PHF20: variants seen among roughly 807,000 people sequenced by gnomAD.
PHF20 encodes the protein PHD finger protein 20.
In PHF20, 23 loss-of-function variants were observed where a neutral mutation model predicts 113.5. That is an observed-to-expected ratio of 0.20 (90% CI 0.15 to 0.29). PHF20 has a LOEUF of 0.29. Among genes scored for constraint, PHF20 ranks in the 10% least tolerant of loss-of-function variants. The pLI is 1.00. For missense variants in PHF20, 943 were observed against 1,219.6 expected, an observed-to-expected ratio of 0.77 and a Z score of 3.38; for synonymous variants, 434 against 457.3, an observed-to-expected ratio of 0.95 and a Z score of 0.65.
At position 35,947,811 on chromosome 20, in the gene PHF20, A is replaced by T; in HGVS notation, c.*184A>T. 1.7e-6 allele frequency: 1 copy of T among 583,728 alleles called. No individual in the cohort carries two copies. The highest frequency in any genetic ancestry group is 1.9e-5 in the African/African-American group (1 of 53,832). 36.2% of individuals were successfully genotyped at this position (583,728 alleles called of 1,614,324 possible). A position where few individuals can be genotyped will look rare whatever the true frequency, so the allele number is the denominator to read the frequency against. On this transcript the variant is annotated 3_prime_UTR_variant, in exon 18 of 18. Transcript: ENST00000374012. ...ATTTTGGCTGCGGGAGGACACTCTG[A>T]TCTCGAAGCCTGCCATAAAGGTAGC...
At chr20:35,899,097 C>T (rs545873467) in intron 9 of PHF20, among the ~76,000 whole-genome samples, 2 of 151,828 alleles carry the variant, frequency 1.3e-5, no homozygotes, top group South Asian at 4.2e-4. Flanking sequence ...AGGATTTTTC[C>T]TTAAAGTATA....
rs1460528871 is a variant in PHF20, at chr20:35,917,648, G to T, written c.1990G>T (p.Asp664Tyr). The change falls in exon 13 of 18, where the codon GAC becomes TAC. Residue 664 changes from aspartate (D) to tyrosine (Y), a missense_variant. Coordinates refer to ENST00000374012, the MANE Select transcript of PHF20 (RefSeq NM_016436.5). ...RCICEVQEEN[D>Y]FMIQCEECQC... is the part of the protein sequence containing the mutation. ...CATCTGTGAGGTCCAGGAGGAAAATGACTTCATGATTCAGGTAGGCAGAGC... is the reference window on the plus strand; with the variant it reads ...CATCTGTGAGGTCCAGGAGGAAAATTACTTCATGATTCAGGTAGGCAGAGC... 1.9e-6 allele frequency: 3 copies of T among 1,613,554 alleles called. No individual in the cohort carries two copies. Among genetic ancestry groups the T allele is most frequent in the East Asian group, 2.2e-5 (1 of 44,884 alleles).
intron 2 of PHF20, among the ~76,000 whole-genome samples, chr20:35,815,858 C>T (rs1185425247): frequency 2.6e-5 from 4 of 152,168 alleles, no homozygotes; most frequent in Non-Finnish European, 4.4e-5. Flanking sequence ...GCAGTTGAGA[C>T]TCTGTCTCAA....
intron 2 of PHF20, among the ~76,000 whole-genome samples, chr20:35,837,801 C>T (rs1321558465): frequency 2.0e-5 from 3 of 152,282 alleles, no homozygotes; most frequent in Admixed American, 6.5e-5. Flanking sequence ...GCTAAGCTGT[C>T]GCCAAGGCAG....
At chr20:35,825,142 C>T (rs902488611) in intron 2 of PHF20, among the ~76,000 whole-genome samples, 6 of 152,124 alleles carry the variant, frequency 3.9e-5, no homozygotes, top group Non-Finnish European at 5.9e-5. Flanking sequence ...AATTGCTTTT[C>T]GTAGTAGCTG....
intron 15 of PHF20, among the ~76,000 whole-genome samples, chr20:35,936,078 G>T (rs997436289): frequency 6.6e-6 from 1 of 152,186 alleles, no homozygotes; most frequent in African/African-American, 2.4e-5. Flanking sequence ...CCTTCAGATC[G>T]CAGTTGGAAG....
In PHF20 at chr20:35,806,791, CTTTTTTT is replaced by C. The variant is rs751352334; in HGVS notation, c.83+5202_83+5208del. Among the ~76,000 whole-genome samples, 7 of 113,018 alleles carry C rather than the reference CTTTTTTT, an allele frequency of 6.2e-5. No homozygotes were observed. The South Asian group carries it at 8.7e-4, about 14-fold the overall frequency. The allele number at this position is 113,018 out of a possible 152,430, so 74.1% of individuals were successfully genotyped here. ...TTTGTTGTATTCTTAGACCTTTACT[CTTTTTTT>C]TTTTTTTTTTTTTTTGAGACGGAAT... On this transcript the variant is annotated intron_variant, in intron 2 of 17. Coordinates refer to ENST00000374012, the MANE Select transcript of PHF20 (RefSeq NM_016436.5).
At chr20:35,789,399 C>G (rs1176964207) in intron 1 of PHF20, among the ~76,000 whole-genome samples, 3 of 149,868 alleles carry the variant, frequency 2.0e-5, no homozygotes, top group Admixed American at 2.0e-4. Context: ...CCATTGCACT[C>G]CAGCCTGGGT....
intron 14 of PHF20, among the ~76,000 whole-genome samples, chr20:35,930,083 C>T (rs1050163465): frequency 1.3e-5 from 2 of 152,150 alleles, no homozygotes; most frequent in Non-Finnish European, 2.9e-5. Context: ...TCCTAAGGAG[C>T]CCTGTAACAA....
chr20:35,864,419 C>CAT (rs2054277484), intron 6 of PHF20, among the ~76,000 whole-genome samples: 1 of 133,904 alleles, frequency 7.5e-6, no homozygotes, highest in Non-Finnish European at 1.6e-5. Context: ...CACACACACA[C>CAT]ACACACACAC....
intron 6 of PHF20, among the ~76,000 whole-genome samples, chr20:35,868,248 G>T (rs1357029354): frequency 6.6e-6 from 1 of 151,494 alleles, no homozygotes; most frequent in African/African-American, 2.4e-5. Context: ...AGCTGAGATC[G>T]CACCATTGCA....
intron 2 of PHF20, among the ~76,000 whole-genome samples, chr20:35,823,826 GTACA>G (rs2042217402): frequency 6.6e-6 from 1 of 152,108 alleles, no homozygotes; most frequent in Non-Finnish European, 1.5e-5. Flanking sequence ...GAATTATTCA[GTACA>G]TAGCCTTTTG....
intron 6 of PHF20, among the ~76,000 whole-genome samples, chr20:35,865,700 T>G (rs985881671): frequency 6.6e-6 from 1 of 151,972 alleles, no homozygotes; most frequent in Non-Finnish European, 1.5e-5. Context: ...GGTTTCACTA[T>G]GTTGCCCAGG....
At chr20:35,921,144 C>A (rs911804586) in intron 13 of PHF20, among the ~76,000 whole-genome samples, 2 of 152,058 alleles carry the variant, frequency 1.3e-5, no homozygotes, top group South Asian at 4.1e-4. Context: ...TGCACATGGC[C>A]ATTGTCAGGG....
chr20:35,919,016 G>T (rs1437615249), intron 13 of PHF20, among the ~76,000 whole-genome samples: 1 of 149,714 alleles, frequency 6.7e-6, no homozygotes, highest in Admixed American at 6.7e-5. Context: ...CATGGGTTTG[G>T]TTTTTTTTTT....
At chr20:35,904,767 C>CTCTTCCTTCCTTCCTTCCT (rs1555799925) in intron 10 of PHF20, among the ~76,000 whole-genome samples, 14 of 125,614 alleles carry the variant, frequency 1.1e-4, no homozygotes, top group African/African-American at 4.4e-4. Context: ...GATTTCTTTT[C>CTCTTCCTTCCTTCCTTCCT]TCCTTCCTTC....
At chr20:35,829,822 G>A (rs1317930516) in intron 2 of PHF20, among the ~76,000 whole-genome samples, 1 of 152,030 alleles carries the variant, frequency 6.6e-6, no homozygotes, top group African/African-American at 2.4e-5. Flanking sequence ...TGGAAACCCT[G>A]TCTCTCCTGG....
In PHF20 at chr20:35,844,416, G is replaced by GT. The variant is rs1568641913; in HGVS notation, c.255+1672_255+1673insT. ...CGCGCCCAGCCGGTTTTTTTTTTTT[G>GT]GTTTTTTTTTTTTTTGATAATGTTG... On this transcript the variant is annotated intron_variant, in intron 3 of 17. Coordinates refer to ENST00000374012, the MANE Select transcript of PHF20 (RefSeq NM_016436.5). 5.2e-3 allele frequency among the ~76,000 whole-genome samples: 384 copies of GT among 73,746 alleles called. 21 individuals are homozygous for GT. Among genetic ancestry groups the GT allele is most frequent in the South Asian group, 0.011 (24 of 2,154 alleles). The allele number at this position is 73,746 out of a possible 152,430, so 48.4% of individuals were successfully genotyped here.
intron 9 of PHF20, among the ~76,000 whole-genome samples, chr20:35,889,204 C>T (rs767618372): frequency 2.7e-5 from 4 of 150,788 alleles, no homozygotes; most frequent in South Asian, 2.1e-4. Flanking sequence ...TTAGTAGAGA[C>T]GGGGTTTTGT....
Sources: allele counts gnomAD v4.1 joint callset (sites outside exome capture counted in the v4.1 genomes callset), GRCh38; gene constraint gnomAD v4.1.1; transcripts MANE v1.5; gene names NCBI Gene and HGNC (gene_info 2026-07-23, HGNC 2026-07-21).